MTMR2: variants seen among roughly 807,000 people sequenced by gnomAD.
MTMR2 encodes the protein phosphatidylinositol-3,5-bisphosphate 3-phosphatase MTMR2.
MTMR2 carries 55 observed loss-of-function variants against 86.9 expected under a neutral mutation model. The observed-to-expected ratio is 0.63, with a 90% CI of 0.51 to 0.79. MTMR2 has a LOEUF of 0.79. Among genes scored for constraint, MTMR2 ranks in the 30% least tolerant of loss-of-function variants. The pLI, the probability that MTMR2 is intolerant of heterozygous loss-of-function variation, is 0.00. For synonymous variants in MTMR2, 241 were observed against 266.8 expected (o/e 0.90, Z 0.94); for missense variants, 659 against 772.3 (o/e 0.85, Z 1.74).
chr11:95,914,864 T>TAG (rs745916586), intron 1 of MTMR2, among the ~76,000 whole-genome samples: 5 of 152,294 alleles, frequency 3.3e-5, no homozygotes, highest in Non-Finnish European at 5.9e-5. Flanking sequence ...GTACCCTCTC[T>TAG]AATCTTCCGT....
At chr11:95,868,961 A>G (rs941324622) in intron 2 of MTMR2, among the ~76,000 whole-genome samples, 1 of 151,882 alleles carries the variant, frequency 6.6e-6, no homozygotes, top group African/African-American at 2.4e-5. Flanking sequence ...AAAAAAAAAA[A>G]GAAAAAGAAA....
chr11:95,891,035 G>A (rs549813272), intron 1 of MTMR2, among the ~76,000 whole-genome samples: 21 of 152,206 alleles, frequency 1.4e-4, no homozygotes, highest in Middle Eastern at 3.4e-3. Flanking sequence ...TATTTTATAC[G>A]CCTATGCCCT....
intron 11 of MTMR2, among the ~76,000 whole-genome samples, chr11:95,844,069 G>A (rs961123110): frequency 6.6e-6 from 1 of 152,136 alleles, no homozygotes; most frequent in Non-Finnish European, 1.5e-5. Flanking sequence ...AGAACGGGGG[G>A]AGTAGGTAAC....
intron 2 of MTMR2, among the ~76,000 whole-genome samples, chr11:95,884,427 G>A (rs1865445342): frequency 6.6e-6 from 1 of 152,142 alleles, no homozygotes; most frequent in Non-Finnish European, 1.5e-5. Context: ...CAGCAAAACT[G>A]TGGGAGGAGT....
At chr11:95,910,151 T>C (rs1396166329) in intron 1 of MTMR2, among the ~76,000 whole-genome samples, 1 of 139,584 alleles carries the variant, frequency 7.2e-6, no homozygotes, top group Non-Finnish European at 1.6e-5. Flanking sequence ...ACACACACCC[T>C]ACATGATTTT....
At chr11:95,897,222 A>G (rs534011705) in intron 1 of MTMR2, among the ~76,000 whole-genome samples, 130 of 152,268 alleles carry the variant, frequency 8.5e-4, no homozygotes, top group African/African-American at 3.0e-3. Flanking sequence ...TTTTAGTTCT[A>G]AAGTGGTCCA....
Position 95,895,612 on chromosome 11 carries a change from G to A in MTMR2, c.81-7351C>T, listed in dbSNP as rs142939142. On this transcript the variant is annotated intron_variant, in intron 1 of 14. Transcript: ENST00000346299. The stretch of plus-strand genomic sequence containing the variant: ...TAAAAACAGACAATAGCAGGTGTTG[G>A]CAAAGATGTGGAATAATCAGAACAC... 1.0e-3 allele frequency among the ~76,000 whole-genome samples: 154 copies of A among 152,178 alleles called. 1 individual carries two copies. The South Asian group carries it at 0.015, about 15-fold the overall frequency.
At chr11:95,891,370 G>A (rs776049620) in intron 1 of MTMR2, among the ~76,000 whole-genome samples, 41 of 151,774 alleles carry the variant, frequency 2.7e-4, no homozygotes, top group Non-Finnish European at 4.3e-4. Context: ...AGAATCATTT[G>A]AACCTGGCAG....
At chr11:95,922,567 A>C (rs1431531916) in intron 1 of MTMR2, among the ~76,000 whole-genome samples, 1 of 152,194 alleles carries the variant, frequency 6.6e-6, no homozygotes, top group Admixed American at 6.5e-5. Context: ...TTCGAAAAAA[A>C]AAAAACCATT....
intron 2 of MTMR2, among the ~76,000 whole-genome samples, chr11:95,874,244 G>A (rs1396940250): frequency 2.0e-5 from 3 of 152,250 alleles, no homozygotes; most frequent in Middle Eastern, 3.4e-3. Flanking sequence ...CTCTTTGTAG[G>A]TCTCTAAGGA....
intron 7 of MTMR2, among the ~76,000 whole-genome samples, chr11:95,851,235 G>T (rs1357052845): frequency 6.6e-6 from 1 of 151,074 alleles, no homozygotes; most frequent in Non-Finnish European, 1.5e-5. Context: ...GCTAATTTTT[G>T]TATTTTTTAG....
chr11:95,835,242 A>G lies in MTMR2; in HGVS notation c.*48T>C. 1.3e-6 allele frequency: 2 copies of G among 1,587,184 alleles called. No homozygotes were observed. Among genetic ancestry groups the G allele is most frequent in the Admixed American group, 1.7e-5 (1 of 59,608 alleles). On this transcript the variant is annotated 3_prime_UTR_variant, in exon 15 of 15. Transcript: ENST00000346299. ...AAGACTTTCTACTCATAGAGCTGCC[A>G]GTGTAATCAAGAGTGTATAGCAATG... is the stretch of plus-strand genomic sequence containing the variant.
chr11:95,881,729 A>C (rs969093784), intron 2 of MTMR2, among the ~76,000 whole-genome samples: 2 of 152,152 alleles, frequency 1.3e-5, no homozygotes, highest in Non-Finnish European at 2.9e-5. Flanking sequence ...GTTTGTATAT[A>C]GATTTTCTCA....
intron 1 of MTMR2, among the ~76,000 whole-genome samples, chr11:95,891,582 A>C (rs185096579): frequency 0.011 from 1,644 of 152,316 alleles, 26 homozygotes; most frequent in Non-Finnish European, 0.011. Flanking sequence ...AGATTCAAAG[A>C]ATCAGTCTTT....
intron 2 of MTMR2, among the ~76,000 whole-genome samples, chr11:95,874,585 C>A (rs1591011135): frequency 6.6e-6 from 1 of 152,100 alleles, no homozygotes; most frequent in East Asian, 1.9e-4. Flanking sequence ...GAGCATTTAG[C>A]CTGTTTACAT....
intron 11 of MTMR2, among the ~76,000 whole-genome samples, chr11:95,842,792 C>G (rs1863602794): frequency 6.6e-6 from 1 of 152,220 alleles, no homozygotes; most frequent in South Asian, 2.1e-4. Context: ...ATAATTAAAA[C>G]TGCATTCGTA....
chr11:95,837,736 A>G (rs1863347627), intron 13 of MTMR2, among the ~76,000 whole-genome samples: 1 of 152,072 alleles, frequency 6.6e-6, no homozygotes, highest in Non-Finnish European at 1.5e-5. Context: ...ATTCACTCGA[A>G]TATACATTTT....
At chr11:95,853,037 T>TAC (rs1491085366) in intron 7 of MTMR2, among the ~76,000 whole-genome samples, 5 of 80,232 alleles carry the variant, frequency 6.2e-5, no homozygotes, top group Non-Finnish European at 1.2e-4. Context: ...TCTAAAAATT[T>TAC]ATATATAATA....
rs530031824 is a variant in MTMR2, at chr11:95,911,949, A to G, written c.80+11926T>C. 2.6e-5 allele frequency among the ~76,000 whole-genome samples: 4 copies of G among 152,314 alleles called. No homozygotes were observed. In the South Asian group the frequency reaches 8.3e-4, roughly 32 times the overall value. ...CATATATCCATTATTTTTGCTATCC[A>G]GATAGATATATTTTGTTTTTCCAAG... is the stretch of plus-strand genomic sequence containing the variant. On this transcript the variant is annotated intron_variant, in intron 1 of 14. Transcript: ENST00000346299.
Sources: gnomAD v4.1 joint callset for allele counts (sites outside exome capture counted in the v4.1 genomes callset) on GRCh38, gnomAD v4.1.1 for gene constraint, MANE v1.5 for transcripts, NCBI Gene and HGNC (gene_info 2026-07-23, HGNC 2026-07-21) for gene names.